The following SPTAN1 variants were observed in gnomAD, a reference collection of about 807,000 sequenced individuals.
SPTAN1 encodes spectrin alpha chain, non-erythrocytic 1.
A neutral mutation model predicts 331.3 loss-of-function variants in SPTAN1; 61 were observed. That is an observed-to-expected ratio of 0.18 (90% CI 0.15 to 0.23). The LOEUF is 0.23. Among genes scored for constraint, SPTAN1 ranks in the 10% least tolerant of loss-of-function variants. The pLI is 1.00. For synonymous variants in SPTAN1, 1,153 were observed against 1,173.9 expected, an observed-to-expected ratio of 0.98 and a Z score of 0.36; for missense variants, 2,043 against 3,147.9, an observed-to-expected ratio of 0.65 and a Z score of 8.40.
intron 13 of SPTAN1, 33 bp downstream of exon 13, chr9:128,582,589 T>G (rs774115997): frequency 2.9e-5 from 46 of 1,611,870 alleles, no homozygotes; most frequent in Admixed American, 8.3e-5. Context: ...CTCCTCCTTT[T>G]TGGTACATGA....
Position 128,552,757 on chromosome 9 carries a change from G to C in SPTAN1, c.-4+61G>C, listed in dbSNP as rs1468884829. On this transcript the variant is annotated intron_variant, in intron 1 of 56. Coordinates refer to ENST00000372739, the MANE Select transcript of SPTAN1 (RefSeq NM_001130438.3). This position sits in a 1 kb window ranked among gnomAD's most constrained non-coding sequence, Gnocchi z 4.6. Reference sequence around the variant, plus strand: ...GGGGCCCCGGGCAGCCGACCCCCGGGTGGGAGCTGGGCAGCTCTTCAGGCG... The same window carrying C: ...GGGGCCCCGGGCAGCCGACCCCCGGCTGGGAGCTGGGCAGCTCTTCAGGCG... 6.6e-6 allele frequency: 1 copy of C among 151,796 alleles called. No individual in the cohort carries two copies. Among genetic ancestry groups the C allele is most frequent in the Non-Finnish European group, 1.5e-5 (1 of 67,970 alleles). The allele number at this position is 151,796 out of a possible 1,614,324, so 9.4% of individuals were successfully genotyped here.
Position 128,591,553 on chromosome 9 carries a change from A to G in SPTAN1, c.3083A>G (p.Gln1028Arg), listed in dbSNP as rs768500975. The G allele has an allele frequency of 1.2e-6, 2 of 1,614,078 alleles. No individual in the cohort carries two copies. Among genetic ancestry groups the G allele is most frequent in the Admixed American group, 3.3e-5 (2 of 60,004 alleles). ...TACGTGAAGAAATTGGACCCCGCCC[A>G]GTCAGCCTCCCGGGAGAATCTCCTG... ...AAYVKKLDPA[Q>R]SASRENLLEE... The change falls in exon 22 of 57, where the codon CAG (glutamine) becomes CGG (arginine). Residue 1028 changes from glutamine (Q) to arginine (R), a missense_variant. This residue lies in a region of SPTAN1 where 1,038 missense variants were observed against 1,531.5 expected (regional missense o/e 0.68). Transcript: ENST00000372739.
Position 128,579,627 on chromosome 9 carries a change from TC to T in SPTAN1, c.1222-9del. The T allele has an allele frequency of 6.2e-7, 1 of 1,612,360 alleles. No homozygotes were observed. The highest frequency in any genetic ancestry group is 8.5e-7 in the Non-Finnish European group (1 of 1,178,400). ...GGCACAAATCATGGCTTTGTTTTTT[TC>T]TCCTGTAGGGTGAAATTGATGCCCA... On this transcript the variant is annotated splice_polypyrimidine_tract_variant and intron_variant, in intron 9 of 56. Transcript: ENST00000372739.
chr9:128,607,826 C>T, intron 32 of SPTAN1, 26 bp from the exon 33 acceptor site: 1 of 1,613,626 alleles, frequency 6.2e-7, no homozygotes, highest in Non-Finnish European at 8.5e-7. Context: ...CTGCCAGTTA[C>T]CTAATCCCTT....
chr9:128,576,977 T>C, intron 6 of SPTAN1, 21 bp downstream of exon 6: 1 of 1,613,910 alleles, frequency 6.2e-7, no homozygotes, highest in Non-Finnish European at 8.5e-7. Flanking sequence ...AGAGTGGGCT[T>C]TGGGGAATGG....
In SPTAN1 at chr9:128,568,932, A is replaced by C. The variant is rs989767704; in HGVS notation, c.363+35A>C. On this transcript the variant is annotated intron_variant, in intron 3 of 56. Transcript: ENST00000372739. ...AGTAGCTCGTGGAGTGGATGGCTTC[A>C]TCTGGGTGGAGCATTGTAGATTCAT... 3.1e-6 allele frequency: 5 copies of C among 1,613,210 alleles called. No homozygotes were observed. The African/African-American group carries it at 5.3e-5, about 17-fold the overall frequency.
intron 1 of SPTAN1, among the ~76,000 whole-genome samples, chr9:128,558,062 C>T (rs1487476429): frequency 6.6e-6 from 1 of 152,178 alleles, no homozygotes; most frequent in African/African-American, 2.4e-5. Context: ...CTCAGCCTCC[C>T]AAAGTGCTGG....
At chr9:128,624,086 CAAAAAAAA>C (rs11444346) in intron 45 of SPTAN1, among the ~76,000 whole-genome samples, 9 of 66,824 alleles carry the variant, frequency 1.3e-4, no homozygotes, top group East Asian at 3.1e-4. Flanking sequence ...CACTCCGTCT[CAAAAAAAA>C]AAAAAAAAAA....
intron 31 of SPTAN1, 72 bp from the exon 32 acceptor site, chr9:128,607,532 T>C: frequency 1.5e-6 from 2 of 1,298,570 alleles, no homozygotes; most frequent in Non-Finnish European, 2.2e-6. Context: ...TATGTCATTC[T>C]CTGTTTTCCT....
chr9:128,609,387 A>G, intron 36 of SPTAN1, 103 bp downstream of exon 36: 1 of 1,544,952 alleles, frequency 6.5e-7, no homozygotes, highest in Non-Finnish European at 8.8e-7. Flanking sequence ...CACCCATGGG[A>G]AGTCAGTGAG....
chr9:128,625,970 T>C lies in SPTAN1; in HGVS notation c.6271T>C (p.Phe2091Leu). Residue 2091 changes from phenylalanine to leucine, a missense_variant, in exon 48 of 57, where the codon TTC becomes CTC. Physicochemically the swap from Phe to Leu is conservative, Grantham distance 22. Transcript: ENST00000372739. This position sits in a 1 kb window ranked among gnomAD's most constrained non-coding sequence, Gnocchi z 4.1. The part of the protein sequence containing the change: ...KKKLLEAQSH[F>L]RKVEDLFLTF... ...GAAGCTTCTGGAGGCTCAGAGTCAC[T>C]TCCGCAAGGTGAGGATGGGGCCACG... 1 of 1,614,042 alleles carries C rather than the reference T, an allele frequency of 6.2e-7. No individual in the cohort carries two copies. The highest frequency in any genetic ancestry group is 8.5e-7 in the Non-Finnish European group (1 of 1,179,944).
At chr9:128,576,771 T>A (rs1589186618) in intron 5 of SPTAN1, 52 bp from the exon 6 acceptor site, 1 of 1,608,018 alleles carries the variant, frequency 6.2e-7, no homozygotes, top group Non-Finnish European at 8.5e-7. Flanking sequence ...GGTAACTAGT[T>A]GGAGGAGCCA....
chr9:128,624,882 C>G (rs1478733324), intron 46 of SPTAN1: 1 of 623,546 alleles, frequency 1.6e-6, no homozygotes, highest in Non-Finnish European at 2.9e-6. Flanking sequence ...GTAGTAATAG[C>G]AACTGAACTA....
intron 21 of SPTAN1, among the ~76,000 whole-genome samples, chr9:128,591,123 G>A (rs184854265): frequency 4.6e-4 from 70 of 151,766 alleles, no homozygotes; most frequent in Admixed American, 4.0e-3. Context: ...GTGCAGTGGC[G>A]CAATCTCAGC....
intron 11 of SPTAN1, among the ~76,000 whole-genome samples, chr9:128,581,436 G>A (rs1241190560): frequency 1.4e-5 from 2 of 143,746 alleles, no homozygotes; most frequent in Non-Finnish European, 3.0e-5. Flanking sequence ...TCGTACCACC[G>A]CACTCTAGCC....
chr9:128,628,577 G>T (rs915545546), intron 51 of SPTAN1: 2 of 203,906 alleles, frequency 9.8e-6, no homozygotes, highest in East Asian at 2.5e-4. Context: ...TCCCGGCAGG[G>T]ACTTCTCTGC....
At chr9:128,630,744 C>T (rs185995000) in intron 52 of SPTAN1, 298 of 286,704 alleles carry the variant, frequency 1.0e-3, no homozygotes, top group Non-Finnish European at 3.4e-4. Context: ...ACTCTTGTTG[C>T]CCAGGCTGGA....
chr9:128,617,979 C>T lies in SPTAN1; in HGVS notation c.5479-8C>T, dbSNP rs186100440. 5.6e-6 allele frequency: 9 copies of T among 1,614,156 alleles called. No individual in the cohort carries two copies. The East Asian group carries it at 1.8e-4, about 32-fold the overall frequency. Reference sequence around the variant, plus strand: ...CCTGCTGTTAACCTCCTCGTCCTTGCCTGTCAGGGTGTCCTGGACACTGGC... The same window carrying T: ...CCTGCTGTTAACCTCCTCGTCCTTGTCTGTCAGGGTGTCCTGGACACTGGC... On this transcript the variant is annotated splice_polypyrimidine_tract_variant and splice_region_variant and intron_variant, in intron 42 of 56. Transcript: ENST00000372739.
intron 31 of SPTAN1, among the ~76,000 whole-genome samples, chr9:128,606,953 C>T (rs1429614990): frequency 6.6e-6 from 1 of 152,122 alleles, no homozygotes; most frequent in Non-Finnish European, 1.5e-5. Context: ...CTAATCACCC[C>T]CTCTTCTCTC....
Sources: gnomAD v4.1 joint callset for allele counts (sites outside exome capture counted in the v4.1 genomes callset) on GRCh38, gnomAD v4.1.1 for gene constraint, gnomAD v4.1.1 regional missense constraint, Gnocchi (gnomAD v3.1) non-coding constraint, MANE v1.5 for transcripts, NCBI Gene and HGNC (gene_info 2026-07-23, HGNC 2026-07-21) for gene names.